Variants in DSCAM observed in about 807,000 individuals in gnomAD.
DSCAM encodes the protein cell adhesion molecule DSCAM.
In DSCAM, 47 loss-of-function variants were observed where a neutral mutation model predicts 217.7. The observed-to-expected ratio is 0.22, with a 90% confidence interval of 0.17 to 0.28. The LOEUF is 0.28. Ranked by LOEUF, DSCAM falls within the 10% of genes least tolerant of loss-of-function variation. The pLI is 1.00. For missense variants in DSCAM, 2,080 were observed against 2,618.3 expected (o/e 0.79, Z 4.49); for synonymous variants, 1,056 against 1,015.3 (o/e 1.04, Z -0.76).
At chr21:40,676,290 T>C (rs2090336501) in intron 3 of DSCAM, among the ~76,000 whole-genome samples, 1 of 152,194 alleles carries the variant, frequency 6.6e-6, no homozygotes, top group Non-Finnish European at 1.5e-5. Flanking sequence ...AATACACATG[T>C]TCAGGACCAT....
At chr21:40,646,902 C>T (rs2089954475) in intron 3 of DSCAM, among the ~76,000 whole-genome samples, 1 of 152,226 alleles carries the variant, frequency 6.6e-6, no homozygotes, top group Non-Finnish European at 1.5e-5. Context: ...GGACCAGTCT[C>T]CAAGGGTTTC....
intron 14 of DSCAM, among the ~76,000 whole-genome samples, chr21:40,185,507 G>A (rs2090884451): frequency 6.6e-6 from 1 of 152,178 alleles, no homozygotes; most frequent in South Asian, 2.1e-4. Flanking sequence ...GGCTGCTCCA[G>A]TAGGAGAGGT....
At chr21:40,061,427 G>C (rs1449200223) in intron 28 of DSCAM, among the ~76,000 whole-genome samples, 1 of 151,996 alleles carries the variant, frequency 6.6e-6, no homozygotes, top group Admixed American at 6.6e-5. Flanking sequence ...AAATCAGCCA[G>C]GCATGGTGGC....
intron 6 of DSCAM, among the ~76,000 whole-genome samples, chr21:40,343,115 C>A (rs2074517625): frequency 6.6e-6 from 1 of 151,886 alleles, no homozygotes; most frequent in Admixed American, 6.6e-5. Context: ...ATTGTTTGTT[C>A]TGAGTATATA....
At chr21:40,644,867 G>A (rs766312309) in intron 3 of DSCAM, among the ~76,000 whole-genome samples, 24 of 152,194 alleles carry the variant, frequency 1.6e-4, no homozygotes, top group Non-Finnish European at 2.5e-4. Flanking sequence ...TAAAATCTGA[G>A]GAGATATATA....
intron 32 of DSCAM, among the ~76,000 whole-genome samples, chr21:40,015,032 TCTCTGTCTTTC>T (rs756291139): frequency 2.3e-4 from 35 of 152,220 alleles, no homozygotes; most frequent in Non-Finnish European, 5.1e-4. Flanking sequence ...TGGATCCTTT[TCTCTGTCTTTC>T]CTCTAAATAC....
chr21:40,295,502 A>G (rs907780992), intron 10 of DSCAM, among the ~76,000 whole-genome samples: 2 of 152,162 alleles, frequency 1.3e-5, no homozygotes, highest in African/African-American at 4.8e-5. Flanking sequence ...GCAAGCAGGG[A>G]ACATGAGACA....
At chr21:40,178,674 T>G (rs2090759841) in intron 15 of DSCAM, among the ~76,000 whole-genome samples, 1 of 152,210 alleles carries the variant, frequency 6.6e-6, no homozygotes, top group Non-Finnish European at 1.5e-5. Flanking sequence ...CACCAGATTG[T>G]TAGCCTCATA....
At chr21:40,252,305 GT>G in intron 11 of DSCAM, among the ~76,000 whole-genome samples, 1 of 152,130 alleles carries the variant, frequency 6.6e-6, no homozygotes, top group Non-Finnish European at 1.5e-5. Flanking sequence ...GGGTACAGAG[GT>G]GGTATTGGGG....
intron 8 of DSCAM, 64 bp downstream of exon 8, chr21:40,338,037 A>C (rs1287659242): frequency 1.3e-6 from 2 of 1,574,952 alleles, no homozygotes; most frequent in Non-Finnish European, 1.7e-6. Context: ...ACTTCAAATC[A>C]TTGGTCTGGG....
In DSCAM at chr21:40,703,254, G is replaced by C. The variant is rs146239046; in HGVS notation, c.361+5200C>G. Among the ~76,000 whole-genome samples the C allele has an allele frequency of 2.3e-3, 348 of 152,192 alleles. 2 individuals carry two copies. Among genetic ancestry groups the C allele is most frequent in the African/African-American group, 7.9e-3 (327 of 41,520 alleles). On this transcript the variant is annotated intron_variant, in intron 2 of 32. Coordinates refer to ENST00000400454, the MANE Select transcript of DSCAM (RefSeq NM_001389.5). ...ATTTTATAAATTTACTTCCACTCTTGCCTGTAATCCTAGCACTTTGGGAGG... is the reference window on the plus strand; with the variant it reads ...ATTTTATAAATTTACTTCCACTCTTCCCTGTAATCCTAGCACTTTGGGAGG...
rs186505899 is a variant in DSCAM, at chr21:40,462,185, G to C, written c.509-92940C>G. Among the ~76,000 whole-genome samples the C allele has an allele frequency of 6.2e-3, 951 of 152,214 alleles. 9 individuals are homozygous for C. The highest frequency in any genetic ancestry group is 7.5e-3 in the Non-Finnish European group (513 of 67,994). ...TTCAGATAAGAAAATTTCATGCAGG[G>C]AATATAGGAGATCCCAGCCATACCA... On this transcript the variant is annotated intron_variant, in intron 3 of 32. Coordinates refer to ENST00000400454, the MANE Select transcript of DSCAM (RefSeq NM_001389.5).
At chr21:40,762,039 C>T (rs2091340843) in intron 1 of DSCAM, among the ~76,000 whole-genome samples, 2 of 152,140 alleles carry the variant, frequency 1.3e-5, no homozygotes, top group African/African-American at 4.8e-5. Flanking sequence ...CCTAACATCA[C>T]AGTTAAAGAA....
intron 3 of DSCAM, among the ~76,000 whole-genome samples, chr21:40,372,045 G>C (rs2074904507): frequency 6.6e-6 from 1 of 152,132 alleles, no homozygotes; most frequent in Non-Finnish European, 1.5e-5. Context: ...AGAGGAACAG[G>C]TAAGTCCAGG....
At chr21:40,101,023 G>A (rs752308663) in intron 20 of DSCAM, among the ~76,000 whole-genome samples, 3 of 152,200 alleles carry the variant, frequency 2.0e-5, no homozygotes, top group Non-Finnish European at 4.4e-5. Flanking sequence ...CCAACATTAC[G>A]AAGTTGCCGC....
At chr21:40,048,025 A>G (rs993392499) in intron 30 of DSCAM, among the ~76,000 whole-genome samples, 13 of 152,180 alleles carry the variant, frequency 8.5e-5, no homozygotes, top group African/African-American at 3.1e-4. Flanking sequence ...ACTGAGAGTG[A>G]GAGCTTTGGA....
intron 28 of DSCAM, among the ~76,000 whole-genome samples, chr21:40,061,154 C>T (rs896483042): frequency 6.6e-6 from 1 of 152,180 alleles, no homozygotes; most frequent in Non-Finnish European, 1.5e-5. Context: ...TAGGTCTTTT[C>T]ATTCCCATCA....
intron 3 of DSCAM, among the ~76,000 whole-genome samples, chr21:40,677,805 G>A (rs2090357729): frequency 6.6e-6 from 1 of 151,868 alleles, no homozygotes; most frequent in Non-Finnish European, 1.5e-5. Flanking sequence ...AAAATGAGAA[G>A]ACAGCTGTCT....
intron 3 of DSCAM, among the ~76,000 whole-genome samples, chr21:40,581,209 C>T (rs1241466615): frequency 6.6e-6 from 1 of 152,172 alleles, no homozygotes; most frequent in Non-Finnish European, 1.5e-5. Flanking sequence ...CTGGGGAATG[C>T]GCTGCAGCCT....
Sources: allele counts gnomAD v4.1 joint callset (sites outside exome capture counted in the v4.1 genomes callset), GRCh38; gene constraint gnomAD v4.1.1; transcripts MANE v1.5; gene names NCBI Gene and HGNC (gene_info 2026-07-23, HGNC 2026-07-21).